The following TFEC variants were observed in gnomAD, a reference collection of about 807,000 sequenced individuals.
TFEC encodes class E basic helix-loop-helix protein 34.
In TFEC, 31 loss-of-function variants were observed where a neutral mutation model predicts 41.6. The ratio of observed to expected loss-of-function variants is 0.74; its 90% CI spans 0.56 to 1.01. The LOEUF (loss-of-function observed/expected upper bound fraction) is 1.01. TFEC is among the 50% of genes least tolerant of loss of function. The pLI is 0.00. For missense variants in TFEC, 402 were observed against 404.1 expected (o/e 0.99, Z 0.04); for synonymous variants, 143 against 140.6 (o/e 1.02, Z -0.12).
upstream of TFEC, among the ~76,000 whole-genome samples, chr7:116,031,558 A>G (rs1795783287): frequency 6.6e-6 from 1 of 152,186 alleles, no homozygotes; most frequent in South Asian, 2.1e-4. Flanking sequence ...TGTAACAGTT[A>G]CATGACTTTC....
chr7:115,950,006 A>C (rs1249657923), intron 6 of TFEC, among the ~76,000 whole-genome samples: 1 of 128,912 alleles, frequency 7.8e-6, no homozygotes, highest in Admixed American at 9.2e-5. Context: ...TACAGATTCC[A>C]TGTTTTCACT....
At chr7:115,974,606 G>A (rs1793300791) in intron 2 of TFEC, among the ~76,000 whole-genome samples, 1 of 150,088 alleles carries the variant, frequency 6.7e-6, no homozygotes, top group Non-Finnish European at 1.5e-5. Context: ...TAAATAGAGT[G>A]GTTATCATGA....
chr7:115,979,772 C>A (rs1329875322), intron 2 of TFEC, among the ~76,000 whole-genome samples: 2 of 152,044 alleles, frequency 1.3e-5, no homozygotes, highest in Admixed American at 6.6e-5. Flanking sequence ...CTCAAAATTG[C>A]ACCAAACTCA....
chr7:115,954,269 T>C (rs778644658), intron 5 of TFEC, among the ~76,000 whole-genome samples: 47 of 152,094 alleles, frequency 3.1e-4, no homozygotes, highest in Non-Finnish European at 6.2e-4. Context: ...CAAAAGTCAC[T>C]TTTATCTCTT....
chr7:116,045,099 G>T (rs1796132511), intron 3 of TFEC, among the ~76,000 whole-genome samples: 2 of 152,192 alleles, frequency 1.3e-5, no homozygotes, highest in African/African-American at 4.8e-5. Flanking sequence ...GCAGAGGTTG[G>T]AACAGTTTAG....
chr7:116,113,035 T>C lies in TFEC; in HGVS notation c.-68-997A>G, dbSNP rs116757532. Among the ~76,000 whole-genome samples the C allele has an allele frequency of 7.8e-3, 1,185 of 152,054 alleles. 12 individuals carry two copies. The highest frequency in any genetic ancestry group is 0.027 in the African/African-American group (1,110 of 41,524). ...AAATAAAGTGGAATTCACTAGGAGA[T>C]AGGGAGCTGGACTCAAGAGAGTATT... On this transcript the variant is annotated intron_variant, in intron 1 of 8. Transcript: ENST00000484212.
At chr7:115,968,134 A>C in intron 3 of TFEC, 5 of 1,495,790 alleles carry the variant, frequency 3.3e-6, no homozygotes, top group Non-Finnish European at 4.4e-6. Flanking sequence ...TCAGTATTTA[A>C]GGTGGTTTCA....
intron 1 of TFEC, among the ~76,000 whole-genome samples, chr7:116,150,490 C>G (rs757575995): frequency 1.3e-5 from 2 of 151,856 alleles, no homozygotes; most frequent in Admixed American, 6.6e-5. Flanking sequence ...TTTGGAGAAA[C>G]TAGAACTATA....
intron 1 of TFEC, among the ~76,000 whole-genome samples, chr7:116,021,663 C>T (rs1218518602): frequency 6.6e-6 from 1 of 152,194 alleles, no homozygotes; most frequent in Non-Finnish European, 1.5e-5. Flanking sequence ...TCCAGTTAAA[C>T]TGTCTCCAGT....
intron 1 of TFEC, among the ~76,000 whole-genome samples, chr7:116,143,586 A>G (rs1798583530): frequency 6.6e-6 from 1 of 152,176 alleles, no homozygotes; most frequent in African/African-American, 2.4e-5. Flanking sequence ...AAATCAAGAA[A>G]CTGAATAGAT....
At chr7:116,000,940 GAA>G (rs35990082) in intron 1 of TFEC, among the ~76,000 whole-genome samples, 13 of 132,628 alleles carry the variant, frequency 9.8e-5, no homozygotes, top group Admixed American at 1.5e-4. Context: ...CACAGAAATA[GAA>G]AAAAAAAAAA....
chr7:116,123,418 T>C (rs1798148165), intron 1 of TFEC, among the ~76,000 whole-genome samples: 1 of 152,122 alleles, frequency 6.6e-6, no homozygotes, highest in South Asian at 2.1e-4. Flanking sequence ...ATTAGCTACT[T>C]TGTCATCTTT....
At chr7:116,024,127 A>G (rs533809922) in intron 1 of TFEC, among the ~76,000 whole-genome samples, 5 of 152,246 alleles carry the variant, frequency 3.3e-5, no homozygotes, top group African/African-American at 9.6e-5. Flanking sequence ...AAATAGAGCC[A>G]TCTTTTCTGG....
intron 6 of TFEC, among the ~76,000 whole-genome samples, chr7:115,947,021 T>A (rs1791620312): frequency 6.7e-6 from 1 of 150,370 alleles, no homozygotes; most frequent in South Asian, 2.3e-4. Context: ...CTGCACCCAC[T>A]AACTCGTCAT....
chr7:116,016,791 C>T (rs1045060647), intron 1 of TFEC, among the ~76,000 whole-genome samples: 9 of 151,864 alleles, frequency 5.9e-5, no homozygotes, highest in African/African-American at 1.9e-4. Context: ...GCTTTATATA[C>T]GATATACTAT....
Position 115,988,966 on chromosome 7 carries a change from AG to A in TFEC, c.-72-4454del, listed in dbSNP as rs1554396471. On this transcript the variant is annotated intron_variant, in intron 1 of 7. Transcript: ENST00000265440. Reference sequence around the variant, plus strand: ...GAGGAATTAAATACTTAAGGGATTGAGGGGGAAAAAACCCACCAACCTAGAA... The same window carrying A: ...GAGGAATTAAATACTTAAGGGATTGAGGGGAAAAAACCCACCAACCTAGAA... 3.3e-5 allele frequency among the ~76,000 whole-genome samples: 5 copies of A among 152,292 alleles called. No individual in the cohort carries two copies. The South Asian group carries it at 8.3e-4, about 25-fold the overall frequency.
At chr7:116,060,883 T>C (rs1584467344) in intron 3 of TFEC, among the ~76,000 whole-genome samples, 1 of 142,490 alleles carries the variant, frequency 7.0e-6, no homozygotes, top group Non-Finnish European at 1.5e-5. Context: ...AATAAATAAA[T>C]AAACAACTTC....
At chr7:116,027,859 C>T (rs1410640701) in intron 1 of TFEC, among the ~76,000 whole-genome samples, 1 of 152,142 alleles carries the variant, frequency 6.6e-6, no homozygotes, top group Non-Finnish European at 1.5e-5. Flanking sequence ...CCTCTACGTC[C>T]TAGACTCTCC....
At chr7:115,962,134 C>T (rs1792588655) in intron 3 of TFEC, among the ~76,000 whole-genome samples, 1 of 151,448 alleles carries the variant, frequency 6.6e-6, no homozygotes, top group Non-Finnish European at 1.5e-5. Flanking sequence ...ATAAACTTAA[C>T]CCGAGAAGCG....
Sources: allele counts gnomAD v4.1 joint callset (sites outside exome capture counted in the v4.1 genomes callset), GRCh38; gene constraint gnomAD v4.1.1; transcripts MANE v1.5; gene names NCBI Gene and HGNC (gene_info 2026-07-23, HGNC 2026-07-21).